ENTPD1: variants seen among roughly 807,000 people sequenced by gnomAD.
ENTPD1 encodes ATP diphosphohydrolase.
A neutral mutation model predicts 57.0 loss-of-function variants in ENTPD1; 33 were observed. That is an observed-to-expected ratio of 0.58 (90% CI 0.44 to 0.77). The LOEUF (loss-of-function observed/expected upper bound fraction) is 0.77. Ranked by LOEUF, ENTPD1 falls within the 30% of genes least tolerant of loss-of-function variation. The pLI is 0.00. For synonymous variants in ENTPD1, 202 were observed against 218.8 expected, an observed-to-expected ratio of 0.92 and a Z score of 0.68; for missense variants, 501 against 603.4, an observed-to-expected ratio of 0.83 and a Z score of 1.78.
Position 95,847,511 on chromosome 10 carries a change from A to G in ENTPD1, c.879A>G (p.Val293=), listed in dbSNP as rs1437273995. ...CTGGATATAAGAAGGTAGTGAACGT[A>G]AGTGACCTTTACAAGACCCCCTGCA... The part of the protein sequence containing the change: ...FHPGYKKVVN[V]SDLYKTPCTK... Residue 293 remains valine (V), a synonymous_variant, in exon 7 of 10, where the codon GTA becomes GTG. Coordinates refer to ENST00000371205, the MANE Select transcript of ENTPD1 (RefSeq NM_001776.6). 1.9e-6 allele frequency: 3 copies of G among 1,614,178 alleles called. No homozygotes were observed. The highest frequency in any genetic ancestry group is 2.5e-6 in the Non-Finnish European group (3 of 1,180,024).
chr10:95,811,666 G>A (rs2098308529), intron 1 of ENTPD1, among the ~76,000 whole-genome samples: 1 of 152,144 alleles, frequency 6.6e-6, no homozygotes, highest in Admixed American at 6.5e-5. Context: ...CTGGGGTTAT[G>A]ACCCACCACG....
At chr10:95,699,246 A>G in the ENTPD1 span, among the ~76,000 whole-genome samples, 15,529 of 152,278 alleles carry the variant, frequency 0.1, 931 homozygotes, top group Middle Eastern at 0.2. Flanking sequence ...TAACATTTAT[A>G]GAGAGACATG....
intron 1 of ENTPD1, chr10:95,785,159 TC>T (rs929722044): frequency 6.6e-6 from 1 of 152,174 alleles, no homozygotes; most frequent in African/African-American, 2.4e-5. Context: ...TGTTGGCAAC[TC>T]CCGTTGCAGT....
chr10:95,713,104 T>A (rs1339199580), intron 1 of ENTPD1, among the ~76,000 whole-genome samples: 2 of 152,030 alleles, frequency 1.3e-5, no homozygotes, highest in Admixed American at 1.3e-4. Flanking sequence ...TCTCAGTGAA[T>A]TTTCGGGGAT....
chr10:95,707,113 C>T (rs918595592), upstream of ENTPD1, among the ~76,000 whole-genome samples: 10 of 152,176 alleles, frequency 6.6e-5, no homozygotes, highest in East Asian at 3.8e-4. Context: ...TCAGGGATCC[C>T]GCTTGTTCCC....
At chr10:95,795,051 T>C (rs1217048134) in intron 1 of ENTPD1, among the ~76,000 whole-genome samples, 2 of 152,070 alleles carry the variant, frequency 1.3e-5, no homozygotes, top group African/African-American at 4.8e-5. Flanking sequence ...TATAGACCCT[T>C]TGAGAAGATT....
chr10:95,752,718 G>A (rs1459395215), upstream of ENTPD1, among the ~76,000 whole-genome samples: 2 of 152,142 alleles, frequency 1.3e-5, no homozygotes, highest in Non-Finnish European at 2.9e-5. Flanking sequence ...TTTTTGTAGA[G>A]ATGGGGTCTT....
chr10:95,756,192 G>GA lies in ENTPD1; in HGVS notation c.-48_-47insA, dbSNP rs1555278459. The stretch of plus-strand genomic sequence containing the variant: ...AGACGGACCACAGCAAGCAGAGGCT[G>GA]GGGGGGGGAAAGACGAGGAAAGAGG... On this transcript the variant is annotated 5_prime_UTR_variant, in exon 1 of 10. Transcript: ENST00000371205. 7.3e-7 allele frequency: 1 copy of GA among 1,370,434 alleles called. No homozygotes were observed. Among genetic ancestry groups the GA allele is most frequent in the Admixed American group, 2.2e-5 (1 of 45,676 alleles). 84.9% of individuals were successfully genotyped at this position (1,370,434 alleles called of 1,614,324 possible).
intron 1 of ENTPD1, among the ~76,000 whole-genome samples, chr10:95,726,115 A>G (rs775604683): frequency 3.9e-4 from 59 of 152,170 alleles, no homozygotes; most frequent in Non-Finnish European, 6.5e-4. Context: ...GAGACTTTTC[A>G]TGAATAAATG....
chr10:95,763,357 T>C (rs1428510559), intron 1 of ENTPD1, among the ~76,000 whole-genome samples: 1 of 152,202 alleles, frequency 6.6e-6, no homozygotes, highest in Non-Finnish European at 1.5e-5. Context: ...TTCTAAAAGA[T>C]TGTAAATGAT....
Position 95,847,467 on chromosome 10 carries a change from A to C in ENTPD1, c.835A>C (p.Arg279=). ...DIQVASNEIL[R]DPCFHPGYKK... is the part of the protein sequence containing the mutation. ...TCAGGTTGCAAGTAATGAAATTCTC[A>C]GGGACCCATGCTTTCATCCTGGATA... Residue 279 remains arginine, a synonymous_variant, in exon 7 of 10, where the codon AGG becomes CGG. Transcript: ENST00000371205. The C allele has an allele frequency of 1.9e-6, 3 of 1,614,170 alleles. No individual in the cohort carries two copies. Among genetic ancestry groups the C allele is most frequent in the Non-Finnish European group, 2.5e-6 (3 of 1,180,004 alleles).
chr10:95,702,804 A>G, the ENTPD1 span, among the ~76,000 whole-genome samples: 1 of 152,246 alleles, frequency 6.6e-6, no homozygotes. Context: ...TTTTCTTGAA[A>G]CAGAGTCTCA....
chr10:95,816,762 C>G (rs2098331258), intron 1 of ENTPD1, among the ~76,000 whole-genome samples: 1 of 152,192 alleles, frequency 6.6e-6, no homozygotes, highest in Admixed American at 6.5e-5. Context: ...GAATACATTT[C>G]TGTTTGAAGC....
intron 1 of ENTPD1, among the ~76,000 whole-genome samples, chr10:95,804,378 A>C (rs1490503595): frequency 6.6e-6 from 1 of 152,208 alleles, no homozygotes; most frequent in African/African-American, 2.4e-5. Flanking sequence ...AGTGGATTGT[A>C]GTTCTCTTGA....
At chr10:95,709,384 T>G (rs968042833), upstream of ENTPD1, among the ~76,000 whole-genome samples, 1 of 152,162 alleles carries the variant, frequency 6.6e-6, no homozygotes, top group African/African-American at 2.4e-5. Flanking sequence ...GTTTGTTTGT[T>G]TTTTCTTTGT....
At chr10:95,832,526 C>T (rs1314780201) in intron 2 of ENTPD1, among the ~76,000 whole-genome samples, 3 of 152,052 alleles carry the variant, frequency 2.0e-5, no homozygotes, top group African/African-American at 7.3e-5. Context: ...TCCTTGTCTA[C>T]TCGTAACTGA....
chr10:95,825,883 A>C (rs1413051926), intron 2 of ENTPD1, among the ~76,000 whole-genome samples: 2 of 152,168 alleles, frequency 1.3e-5, no homozygotes, highest in Non-Finnish European at 2.9e-5. Flanking sequence ...CGGCTGATAC[A>C]TGTGTTTTGA....
intron 1 of ENTPD1, among the ~76,000 whole-genome samples, chr10:95,719,826 G>A (rs1392953820): frequency 6.6e-6 from 1 of 152,212 alleles, no homozygotes; most frequent in Non-Finnish European, 1.5e-5. Context: ...CAGTCCAGGT[G>A]AGTTGAGACA....
Position 95,869,676 on chromosome 10 carries a change from AT to A in ENTPD1, c.*3299del. On this transcript the variant is annotated 3_prime_UTR_variant, in exon 10 of 10. Transcript: ENST00000371205. ...TCTTAATAAGAAATATGTAAATAAA[AT>A]TTTTTAAAATTACACTTCATTTTAA... is the stretch of plus-strand genomic sequence containing the variant. 2 of 975,194 alleles carry A rather than the reference AT, an allele frequency of 2.1e-6. No homozygotes were observed. The highest frequency in any genetic ancestry group is 2.4e-6 in the Non-Finnish European group (2 of 820,630). 60.4% of individuals were successfully genotyped at this position (975,194 alleles called of 1,614,324 possible).
Sources: allele counts gnomAD v4.1 joint callset (sites outside exome capture counted in the v4.1 genomes callset), GRCh38; gene constraint gnomAD v4.1.1; transcripts MANE v1.5; gene names NCBI Gene and HGNC (gene_info 2026-07-23, HGNC 2026-07-21).